The following ROBO3 variants were observed in gnomAD, a reference collection of about 807,000 sequenced individuals.
ROBO3 encodes roundabout homolog 3.
Under a neutral mutation model 160.5 loss-of-function variants are expected in ROBO3, and 97 were observed. The observed-to-expected ratio is 0.60, with a 90% CI of 0.51 to 0.72. The LOEUF (loss-of-function observed/expected upper bound fraction) is 0.72. Ranked by LOEUF, ROBO3 falls within the 30% of genes least tolerant of loss-of-function variation. The pLI is 0.00. For synonymous variants in ROBO3, 780 were observed against 746.2 expected, an observed-to-expected ratio of 1.05 and a Z score of -0.74; for missense variants, 1,858 against 1,846.5, an observed-to-expected ratio of 1.01 and a Z score of -0.11.
rs746278507 is a variant in ROBO3, at chr11:124,865,713, C to T, written c.136C>T (p.Pro46Ser). Residue 46 changes from proline to serine, a missense_variant, in exon 1 of 28, where the codon CCT (proline) becomes TCT (serine). Transcript: ENST00000397801. This position sits in a 1 kb window ranked among gnomAD's most constrained non-coding sequence, Gnocchi z 5.5. ...GGCGGCGCTCAACCACACCCTGCTG[C>T]CTCCCGGCGATCCCTCTCTCAACGG... is the stretch of plus-strand genomic sequence containing the variant. ...SLAALNHTLL[P>S]PGDPSLNGSR... The T allele has an allele frequency of 2.0e-5, 32 of 1,609,990 alleles. No homozygotes were observed. In the Middle Eastern group the frequency reaches 8.3e-4, roughly 42 times the overall value.
chr11:124,877,486 C>G lies in ROBO3; in HGVS notation c.2847-33C>G, dbSNP rs747132347. On this transcript the variant is annotated intron_variant, in intron 19 of 27. Transcript: ENST00000397801. ...TTTCCTTTGCTGGCCTCTTCAGGCTCTCCGTCCCCAACGCTCACCTGCTCT... is the reference window on the plus strand; with the variant it reads ...TTTCCTTTGCTGGCCTCTTCAGGCTGTCCGTCCCCAACGCTCACCTGCTCT... 8 of 1,599,982 alleles carry G rather than the reference C, an allele frequency of 5.0e-6. No homozygotes were observed. In the Admixed American group the frequency reaches 6.9e-5, roughly 14 times the overall value.
In ROBO3 at chr11:124,873,412, C is replaced by A. The variant is rs1339192786; in HGVS notation, c.1618+21C>A. The A allele has an allele frequency of 6.3e-7, 1 of 1,596,986 alleles. No individual in the cohort carries two copies. Among genetic ancestry groups the A allele is most frequent in the East Asian group, 2.3e-5 (1 of 44,410 alleles). On this transcript the variant is annotated intron_variant, in intron 10 of 27. Coordinates refer to ENST00000397801, the MANE Select transcript of ROBO3 (RefSeq NM_022370.4). This position sits in a 1 kb window ranked among gnomAD's most constrained non-coding sequence, Gnocchi z 4.5. ...GCGGGGTGAGTTTTTTCTTTCTTCC[C>A]TTATTTTGATAATACCTTCCTCCAA... is the stretch of plus-strand genomic sequence containing the variant.
At position 124,877,174 on chromosome 11, in the gene ROBO3, C is replaced by T; in HGVS notation, c.2793C>T (p.Tyr931=). ...ELSHYTASFA[Y]TPAVSFPHSE... The stretch of plus-strand genomic sequence containing the variant: ...CCTTTCTGGAAGCCTCTTTTGCCTA[C>T]ACACCGGCAGGTAAGCCATCTCTGC... Residue 931 remains tyrosine (Y), a synonymous_variant, in exon 18 of 28, where the codon TAC becomes TAT. Coordinates refer to ENST00000397801, the MANE Select transcript of ROBO3 (RefSeq NM_022370.4). 6.2e-6 allele frequency: 10 copies of T among 1,613,968 alleles called. No homozygotes were observed. Among genetic ancestry groups the T allele is most frequent in the South Asian group, 1.1e-5 (1 of 91,080 alleles).
Position 124,873,353 on chromosome 11 carries a change from C to G in ROBO3, c.1580C>G (p.Thr527Arg). 1 of 1,612,518 alleles carries G rather than the reference C, an allele frequency of 6.2e-7. No homozygotes were observed. The change falls in exon 10 of 28, where the codon ACA becomes AGA. Residue 527 changes from threonine (T) to arginine (R), a missense_variant. Transcript: ENST00000397801. The surrounding 1 kb of genome is among the most constrained non-coding windows in gnomAD (Gnocchi z 4.5). ...GFYSCVAKSSTGEATWSGWLK... is the reference protein window; with the variant it reads ...GFYSCVAKSSRGEATWSGWLK... ...TACAGCTGCGTGGCCAAGAGTTCCA[C>G]AGGGGAAGCCACATGGAGCGGCTGG...
In ROBO3 at chr11:124,872,656, G is replaced by A; in HGVS notation, c.1330+104G>A. The A allele has an allele frequency of 8.1e-7, 1 of 1,227,258 alleles. No individual in the cohort carries two copies. The highest frequency in any genetic ancestry group is 1.1e-6 in the Non-Finnish European group (1 of 888,696). 76.0% of individuals were successfully genotyped at this position (1,227,258 alleles called of 1,614,324 possible). Reference sequence around the variant, plus strand: ...TCTATATACTATGTCTGCAAGAGGAGAGATGTGTTCCTGAGGCATGACCTT... The same window carrying A: ...TCTATATACTATGTCTGCAAGAGGAAAGATGTGTTCCTGAGGCATGACCTT... On this transcript the variant is annotated intron_variant, in intron 8 of 27. Transcript: ENST00000397801. The surrounding 1 kb of genome is among the most constrained non-coding windows in gnomAD (Gnocchi z 4.3).
At chr11:124,875,037 TGGGCCTGGATGGCCTGGA>T (rs1946333792) in intron 13 of ROBO3, 56 bp from the exon 14 acceptor site, 7 of 1,511,502 alleles carry the variant, frequency 4.6e-6, no homozygotes, top group South Asian at 1.3e-5. Flanking sequence ...GAGGAGGGGC[TGGGCCTGGATGGCCTGGA>T]GGGCCTGTAT....
At chr11:124,875,861 G>C in intron 15 of ROBO3, 93 bp from the exon 16 acceptor site, 1 of 1,481,118 alleles carries the variant, frequency 6.8e-7, no homozygotes. Flanking sequence ...AATTACATCT[G>C]TATAAGGCTT....
Position 124,876,357 on chromosome 11 carries a change from CT to C in ROBO3, c.2678del (p.Phe893SerfsTer111). 1 of 1,433,950 alleles carries C rather than the reference CT, an allele frequency of 7.0e-7. No homozygotes were observed. 88.8% of individuals were successfully genotyped at this position (1,433,950 alleles called of 1,614,324 possible). On this transcript the variant is annotated frameshift_variant, in exon 17 of 28. Coordinates refer to ENST00000397801, the MANE Select transcript of ROBO3 (RefSeq NM_022370.4). LOFTEE classifies it high-confidence loss of function. The surrounding 1 kb of genome is among the most constrained non-coding windows in gnomAD (Gnocchi z 5.3). The stretch of plus-strand genomic sequence containing the variant: ...TGGCGAGGGTGCTGCGGGAGCCCGC[CT>C]TCCTCGCGGGCAGCGGCGCAGCCTG... ...RLARVLREPA[F>X]LAGSGAACGA...
intron 6 of ROBO3, 38 bp downstream of exon 6, chr11:124,870,766 G>A: frequency 1.9e-6 from 3 of 1,601,326 alleles, no homozygotes; most frequent in Non-Finnish European, 2.6e-6. Context: ...AGCAGGAATG[G>A]TAGGAGGGGA....
intron 23 of ROBO3, 26 bp from the exon 24 acceptor site, chr11:124,879,162 CAG>C: frequency 6.5e-7 from 1 of 1,546,664 alleles, no homozygotes; most frequent in Non-Finnish European, 8.7e-7. Flanking sequence ...GTGGAGGGAA[CAG>C]AGGCTGCGGC....
chr11:124,879,003 G>C, intron 23 of ROBO3, 187 bp from the exon 24 acceptor site: 1 of 789,744 alleles, frequency 1.3e-6, no homozygotes, highest in Non-Finnish European at 2.0e-6. Context: ...TGCTGGAGTG[G>C]TCAGCACTCT....
At position 124,877,157 on chromosome 11, in the gene ROBO3, G is replaced by T; in HGVS notation, c.2780-4G>T. The T allele has an allele frequency of 6.2e-7, 1 of 1,613,854 alleles. No individual in the cohort carries two copies. The highest frequency in any genetic ancestry group is 8.5e-7 in the Non-Finnish European group (1 of 1,179,842). On this transcript the variant is annotated splice_polypyrimidine_tract_variant and splice_region_variant and intron_variant, in intron 17 of 27. Coordinates refer to ENST00000397801, the MANE Select transcript of ROBO3 (RefSeq NM_022370.4). Reference sequence around the variant, plus strand: ...TCTTTCTCCCACGGGTTCCTTTCTGGAAGCCTCTTTTGCCTACACACCGGC... The same window carrying T: ...TCTTTCTCCCACGGGTTCCTTTCTGTAAGCCTCTTTTGCCTACACACCGGC...
At chr11:124,867,918 T>G (rs1946222458) in intron 1 of ROBO3, among the ~76,000 whole-genome samples, 2 of 152,088 alleles carry the variant, frequency 1.3e-5, no homozygotes, top group South Asian at 4.1e-4. Context: ...TTGGCTGGAC[T>G]AGGGGCTGAG....
At position 124,881,318 on chromosome 11, in the gene ROBO3, C is replaced by CA; in HGVS notation, c.*68_*69insA. On this transcript the variant is annotated 3_prime_UTR_variant, in exon 28 of 28. Transcript: ENST00000397801. ...GGGGAGTAGGGATGTCTTTTCCCCC[C>CA]CAGCAGTGATGAGTGGGGCTAGCTG... The CA allele has an allele frequency of 6.7e-7, 1 of 1,488,490 alleles. No individual in the cohort carries two copies. The highest frequency in any genetic ancestry group is 1.9e-5 in the Admixed American group (1 of 52,818). The allele number at this position is 1,488,490 out of a possible 1,614,324, so 92.2% of individuals were successfully genotyped here.
rs1425196524 is a variant in ROBO3 at position 124,869,617 on chromosome 11, G to T, written c.645+10G>T. 6.4e-7 allele frequency: 1 copy of T among 1,556,876 alleles called. No individual in the cohort carries two copies. Among genetic ancestry groups the T allele is most frequent in the Admixed American group, 1.9e-5 (1 of 53,310 alleles). On this transcript the variant is annotated intron_variant, in intron 3 of 27. Coordinates refer to ENST00000397801, the MANE Select transcript of ROBO3 (RefSeq NM_022370.4). This position sits in a 1 kb window ranked among gnomAD's most constrained non-coding sequence, Gnocchi z 4.2. Reference sequence around the variant, plus strand: ...GGAAGGAAGGATCACGGTGAGGGCGGGATTATGATTGGAGACCCCAACAAG... The same window carrying T: ...GGAAGGAAGGATCACGGTGAGGGCGTGATTATGATTGGAGACCCCAACAAG...
chr11:124,867,278 A>C (rs1946211250), intron 1 of ROBO3, among the ~76,000 whole-genome samples: 1 of 152,250 alleles, frequency 6.6e-6, no homozygotes, highest in African/African-American at 2.4e-5. Flanking sequence ...ATGGCAGAGT[A>C]GTGACGTTTA....
Position 124,875,159 on chromosome 11 carries a change from G to T in ROBO3, c.2122G>T (p.Val708Leu). 1 of 1,613,448 alleles carries T rather than the reference G, an allele frequency of 6.2e-7. No homozygotes were observed. The highest frequency in any genetic ancestry group is 1.1e-5 in the South Asian group (1 of 91,028). Residue 708 changes from valine to leucine, a missense_variant, in exon 14 of 28, where the codon GTA (valine) becomes TTA (leucine). Transcript: ENST00000397801. ...LVQGFRVSWR[V>L]AGPEGGSWTM... Reference sequence around the variant, plus strand: ...GCAAGGTTTCCGGGTGTCTTGGAGGGTAGCAGGCCCTGAGGGAGGAAGCTG... The same window carrying T: ...GCAAGGTTTCCGGGTGTCTTGGAGGTTAGCAGGCCCTGAGGGAGGAAGCTG...
At position 124,877,249 on chromosome 11, in the gene ROBO3, C is replaced by A; in HGVS notation, c.2804-18C>A. On this transcript the variant is annotated intron_variant, in intron 18 of 27. Coordinates refer to ENST00000397801, the MANE Select transcript of ROBO3 (RefSeq NM_022370.4). ...GACGGGCCCTTCTCTCACTCATTCG[C>A]CCCCTCATTTTCCCCAGTGTCCTTC... 1.2e-6 allele frequency: 2 copies of A among 1,613,960 alleles called. No homozygotes were observed. The highest frequency in any genetic ancestry group is 1.7e-6 in the Non-Finnish European group (2 of 1,179,860).
intron 15 of ROBO3, 60 bp downstream of exon 15, chr11:124,875,745 T>C: frequency 6.5e-7 from 1 of 1,549,884 alleles, no homozygotes; most frequent in Non-Finnish European, 8.8e-7. Context: ...AGGGAGGACC[T>C]AGTGGCTAGA....
Sources: gnomAD v4.1 joint callset for allele counts (sites outside exome capture counted in the v4.1 genomes callset) on GRCh38, gnomAD v4.1.1 for gene constraint, Gnocchi (gnomAD v3.1) non-coding constraint, MANE v1.5 for transcripts, NCBI Gene and HGNC (gene_info 2026-07-23, HGNC 2026-07-21) for gene names.